STPG2: variants seen among roughly 807,000 people sequenced by gnomAD.
STPG2 encodes the protein sperm tail PG-rich repeat containing 2.
In STPG2, 56 loss-of-function variants were observed where a neutral mutation model predicts 54.2. The ratio of observed to expected loss-of-function variants is 1.03; its 90% CI spans 0.83 to 1.29. The LOEUF is 1.29. Ranked by LOEUF, STPG2 falls within the 50% of genes most tolerant of loss-of-function variation. The pLI is 0.00. For synonymous variants in STPG2, 200 were observed against 181.8 expected (o/e 1.10, Z -0.81); for missense variants, 596 against 544.9 (o/e 1.09, Z -0.93).
intron 4 of STPG2, among the ~76,000 whole-genome samples, chr4:97,446,219 T>G (rs114101475): frequency 0.014 from 2,124 of 152,308 alleles, 43 homozygotes; most frequent in African/African-American, 0.048. Flanking sequence ...CTGATTAAGG[T>G]AACTATTTTA....
chr4:97,470,621 TAAG>T (rs1729900844), intron 4 of STPG2, among the ~76,000 whole-genome samples: 1 of 152,054 alleles, frequency 6.6e-6, no homozygotes, highest in Non-Finnish European at 1.5e-5. Flanking sequence ...TTAGGGACAA[TAAG>T]AAATTAACAA....
chr4:98,102,018 C>T lies in STPG2; in HGVS notation c.612+3935G>A, dbSNP rs535052202. ...CAATACAGGTTTCTACTCTTGCCCT[C>T]ATATTGTCAATAATGAGCTTGTGCT... On this transcript the variant is annotated intron_variant, in intron 5 of 10. Coordinates refer to ENST00000295268, the MANE Select transcript of STPG2 (RefSeq NM_174952.3). 8.7e-4 allele frequency among the ~76,000 whole-genome samples: 132 copies of T among 152,294 alleles called. 1 individual carries two copies. Among genetic ancestry groups the T allele is most frequent in the Admixed American group, 1.1e-3 (17 of 15,292 alleles).
chr4:98,006,652 G>C (rs542938834), intron 5 of STPG2, among the ~76,000 whole-genome samples: 1 of 152,262 alleles, frequency 6.6e-6, no homozygotes, highest in Non-Finnish European at 1.5e-5. Flanking sequence ...ACTGTAATTG[G>C]ACTCTACCAC....
intron 10 of STPG2, among the ~76,000 whole-genome samples, chr4:97,675,254 C>T (rs956228579): frequency 7.9e-5 from 12 of 152,124 alleles, no homozygotes; most frequent in African/African-American, 2.9e-4. Context: ...CCACCCGCCT[C>T]GGCCTCCCAA....
chr4:97,599,509 G>A (rs1432814433), intron 10 of STPG2, among the ~76,000 whole-genome samples: 1 of 152,218 alleles, frequency 6.6e-6, no homozygotes, highest in East Asian at 1.9e-4. Context: ...GCCTATCAAT[G>A]GTAGATTGGA....
At chr4:98,018,787 C>T (rs993986353) in intron 5 of STPG2, among the ~76,000 whole-genome samples, 1 of 151,822 alleles carries the variant, frequency 6.6e-6, no homozygotes, top group Non-Finnish European at 1.5e-5. Flanking sequence ...AGCATTTTTT[C>T]ATGTGTTTTT....
intron 9 of STPG2, among the ~76,000 whole-genome samples, chr4:97,781,563 T>G (rs1224805620): frequency 6.6e-6 from 1 of 151,894 alleles, no homozygotes; most frequent in Non-Finnish European, 1.5e-5. Context: ...AAAGAAGAAA[T>G]CCTCCCTAAC....
intron 4 of STPG2, among the ~76,000 whole-genome samples, chr4:97,445,876 A>AC (rs1729209688): frequency 6.6e-6 from 1 of 152,226 alleles, no homozygotes; most frequent in Non-Finnish European, 1.5e-5. Context: ...ATACAAAGCC[A>AC]ATTAATGGTG....
At chr4:97,743,417 T>TTTACA (rs1260629737) in intron 9 of STPG2, among the ~76,000 whole-genome samples, 1 of 151,766 alleles carries the variant, frequency 6.6e-6, no homozygotes, top group African/African-American at 2.4e-5. Context: ...CTTATTGTTA[T>TTTACA]TTACACAACC....
chr4:97,604,932 C>T (rs1386905672), intron 10 of STPG2, among the ~76,000 whole-genome samples: 1 of 151,640 alleles, frequency 6.6e-6, no homozygotes, highest in Non-Finnish European at 1.5e-5. Context: ...CCCTCGTCTT[C>T]TTAAGGAAAA....
At chr4:97,754,548 G>C (rs952636041) in intron 9 of STPG2, among the ~76,000 whole-genome samples, 1 of 152,008 alleles carries the variant, frequency 6.6e-6, no homozygotes, top group African/African-American at 2.4e-5. Context: ...AGCAGTCTTG[G>C]AGTTAAATTT....
At chr4:98,060,760 T>C (rs1737626031) in intron 5 of STPG2, among the ~76,000 whole-genome samples, 2 of 151,820 alleles carry the variant, frequency 1.3e-5, no homozygotes, top group African/African-American at 4.8e-5. Flanking sequence ...GAAATCAGAC[T>C]CCACCACCTA....
In STPG2 at chr4:97,523,301, T is replaced by C. The variant is rs113891509; in HGVS notation, c.462+189398A>G. On this transcript the variant is annotated intron_variant, in intron 4 of 4. Transcript: ENST00000522676. ...AAGCCGGATAAATATTTTAAGTACGTAGTCTCATTTTTATCATCTATAAAA... is the reference window on the plus strand; with the variant it reads ...AAGCCGGATAAATATTTTAAGTACGCAGTCTCATTTTTATCATCTATAAAA... Among the ~76,000 whole-genome samples the C allele has an allele frequency of 4.8e-3, 732 of 151,942 alleles. 4 individuals carry two copies. The highest frequency in any genetic ancestry group is 0.02 in the Middle Eastern group (6 of 294).
chr4:97,536,881 G>A (rs1731545047), intron 4 of STPG2, among the ~76,000 whole-genome samples: 1 of 151,960 alleles, frequency 6.6e-6, no homozygotes, highest in Admixed American at 6.6e-5. Flanking sequence ...AACAATGAAG[G>A]GTGTCCTTAT....
chr4:97,598,299 C>T (rs1022532141), intron 10 of STPG2, among the ~76,000 whole-genome samples: 5 of 151,860 alleles, frequency 3.3e-5, no homozygotes, highest in Admixed American at 2.0e-4. Context: ...ATTGTTAAAA[C>T]GACAGTACTG....
At chr4:97,873,281 G>T (rs1730056346) in intron 8 of STPG2, among the ~76,000 whole-genome samples, 1 of 147,038 alleles carries the variant, frequency 6.8e-6, no homozygotes. Flanking sequence ...ATAAGAAACA[G>T]TTTCCATTAT....
rs77791562 is a variant in STPG2, at chr4:97,660,939, T to C, written c.1320+51760A>G. Among the ~76,000 whole-genome samples, 1,391 of 152,268 alleles carry C rather than the reference T, an allele frequency of 9.1e-3. 17 individuals carry two copies. The highest frequency in any genetic ancestry group is 0.032 in the African/African-American group (1,338 of 41,540). ...CTAGCTAGTAAGGTTTGTTCAGATTTGGGGTTCACAGTCCTAGCATGAATG... is the reference window on the plus strand; with the variant it reads ...CTAGCTAGTAAGGTTTGTTCAGATTCGGGGTTCACAGTCCTAGCATGAATG... On this transcript the variant is annotated intron_variant, in intron 10 of 10. Coordinates refer to ENST00000295268, the MANE Select transcript of STPG2 (RefSeq NM_174952.3).
chr4:97,989,101 T>C (rs757890248), intron 5 of STPG2, among the ~76,000 whole-genome samples: 15 of 152,248 alleles, frequency 9.9e-5, no homozygotes, highest in Non-Finnish European at 2.1e-4. Flanking sequence ...AATGAGCAGA[T>C]TCTTGCCATT....
intron 8 of STPG2, among the ~76,000 whole-genome samples, chr4:97,939,256 C>A (rs750467002): frequency 6.6e-6 from 1 of 152,046 alleles, no homozygotes; most frequent in Non-Finnish European, 1.5e-5. Context: ...AGAGTATGTG[C>A]CATGTGGCAA....
Sources: gnomAD v4.1 joint callset for allele counts (sites outside exome capture counted in the v4.1 genomes callset) on GRCh38, gnomAD v4.1.1 for gene constraint, MANE v1.5 for transcripts, NCBI Gene and HGNC (gene_info 2026-07-23, HGNC 2026-07-21) for gene names.